Variants in HIVEP3 observed in about 807,000 individuals in gnomAD.
HIVEP3 encodes the protein transcription factor HIVEP3.
HIVEP3 carries 49 observed loss-of-function variants against 152.8 expected under a neutral mutation model. That is an observed-to-expected ratio of 0.32 (90% CI 0.26 to 0.41). HIVEP3 has a LOEUF of 0.41. Ranked by LOEUF, HIVEP3 falls within the 10% of genes least tolerant of loss-of-function variation. The pLI is 1.00. For synonymous variants in HIVEP3, 1,269 were observed against 1,289.0 expected, an observed-to-expected ratio of 0.98 and a Z score of 0.33; for missense variants, 2,790 against 3,103.3, an observed-to-expected ratio of 0.90 and a Z score of 2.40.
intron 2 of HIVEP3, among the ~76,000 whole-genome samples, chr1:41,683,160 G>A (rs1646065850): frequency 1.3e-5 from 2 of 152,316 alleles, no homozygotes; most frequent in South Asian, 4.1e-4. Context: ...AAACAGAAGG[G>A]AACCTGCACT....
chr1:41,564,418 T>G (rs1336904427), intron 5 of HIVEP3, among the ~76,000 whole-genome samples: 1 of 152,144 alleles, frequency 6.6e-6, no homozygotes, highest in Non-Finnish European at 1.5e-5. Context: ...CAAGACATTT[T>G]CTTAAAGCAG....
chr1:41,981,715 T>C (rs1012561114), intron 1 of HIVEP3, among the ~76,000 whole-genome samples: 2 of 152,208 alleles, frequency 1.3e-5, no homozygotes, highest in African/African-American at 4.8e-5. Context: ...TTGTTATATA[T>C]ATAAACAGCT....
chr1:41,765,829 T>A (rs1425885340), intron 1 of HIVEP3, among the ~76,000 whole-genome samples: 2 of 152,172 alleles, frequency 1.3e-5, no homozygotes, highest in African/African-American at 4.8e-5. Flanking sequence ...GGGGTCCATA[T>A]GTCACAGAAT....
intron 1 of HIVEP3, among the ~76,000 whole-genome samples, chr1:42,024,823 T>C (rs574135750): frequency 6.6e-6 from 1 of 152,360 alleles, no homozygotes; most frequent in African/African-American, 2.4e-5. Flanking sequence ...CATTGTTCTT[T>C]ATATGAAAAT....
At chr1:41,649,445 C>T (rs1645512534) in intron 2 of HIVEP3, among the ~76,000 whole-genome samples, 1 of 152,228 alleles carries the variant, frequency 6.6e-6, no homozygotes, top group Non-Finnish European at 1.5e-5. Flanking sequence ...CAAGAAATCC[C>T]TCTAAAAAGG....
chr1:41,726,194 C>G (rs1318171328), intron 1 of HIVEP3, among the ~76,000 whole-genome samples: 1 of 152,160 alleles, frequency 6.6e-6, no homozygotes, highest in Non-Finnish European at 1.5e-5. Flanking sequence ...CATGAGCCCT[C>G]GAGAAGCCAC....
chr1:42,016,120 G>GT (rs1570893577), intron 1 of HIVEP3, among the ~76,000 whole-genome samples: 1 of 152,336 alleles, frequency 6.6e-6, no homozygotes, highest in East Asian at 1.9e-4. Flanking sequence ...TCCCATTTAT[G>GT]CTTTTAAAAA....
chr1:41,527,310 T>TGC (rs1643010093), intron 5 of HIVEP3, among the ~76,000 whole-genome samples: 2 of 25,026 alleles, frequency 8.0e-5, no homozygotes, highest in Non-Finnish European at 1.7e-4. Context: ...CCCTCACACT[T>TGC]CACACCCCTG....
chr1:41,909,031 C>T (rs1037461247), intron 1 of HIVEP3, among the ~76,000 whole-genome samples: 1 of 152,048 alleles, frequency 6.6e-6, no homozygotes, highest in African/African-American at 2.4e-5. Context: ...AGAAGGAAAA[C>T]ACAGATTATT....
intron 1 of HIVEP3, among the ~76,000 whole-genome samples, chr1:41,806,743 C>T (rs919155937): frequency 8.5e-5 from 13 of 152,272 alleles, no homozygotes; most frequent in South Asian, 2.1e-4. Flanking sequence ...CCGGGGCCAG[C>T]GGGACCACTC....
chr1:41,796,606 A>G (rs1649997684), intron 1 of HIVEP3, among the ~76,000 whole-genome samples: 1 of 152,268 alleles, frequency 6.6e-6, no homozygotes, highest in Non-Finnish European at 1.5e-5. Context: ...GCCCCTCTCT[A>G]GTTCAAATCC....
At chr1:41,792,853 A>G (rs963067544) in intron 1 of HIVEP3, among the ~76,000 whole-genome samples, 1 of 152,246 alleles carries the variant, frequency 6.6e-6, no homozygotes, top group Non-Finnish European at 1.5e-5. Flanking sequence ...ATGCAGAGTA[A>G]CTTAAAGTAG....
intron 5 of HIVEP3, among the ~76,000 whole-genome samples, chr1:41,528,240 ACACT>A (rs753904328): frequency 7.5e-5 from 6 of 79,814 alleles, no homozygotes; most frequent in African/African-American, 1.5e-4. Flanking sequence ...ACACCCTCAC[ACACT>A]CACCCTCACA....
intron 1 of HIVEP3, among the ~76,000 whole-genome samples, chr1:41,866,361 C>A (rs535248845): frequency 6.6e-6 from 1 of 152,380 alleles, no homozygotes; most frequent in Admixed American, 6.5e-5. Context: ...ATTCTCTTCT[C>A]TCTAGCCAGA....
At chr1:41,598,153 C>T (rs1228323933) in intron 3 of HIVEP3, among the ~76,000 whole-genome samples, 1 of 152,126 alleles carries the variant, frequency 6.6e-6, no homozygotes, top group African/African-American at 2.4e-5. Context: ...TTGCGCAGGC[C>T]CAGCAGGCTT....
At chr1:41,741,369 C>T (rs1048534980) in intron 1 of HIVEP3, among the ~76,000 whole-genome samples, 7 of 152,180 alleles carry the variant, frequency 4.6e-5, no homozygotes, top group African/African-American at 1.7e-4. Context: ...CTAGCAGGGC[C>T]GGGGTCCCAA....
At chr1:41,814,150 C>G (rs555159200) in intron 1 of HIVEP3, among the ~76,000 whole-genome samples, 15 of 152,320 alleles carry the variant, frequency 9.8e-5, no homozygotes, top group African/African-American at 3.6e-4. Context: ...TGGGACCTTG[C>G]TTTTAGGCCA....
chr1:41,856,624 G>A (rs1643774444), intron 1 of HIVEP3, among the ~76,000 whole-genome samples: 1 of 152,166 alleles, frequency 6.6e-6, no homozygotes, highest in Non-Finnish European at 1.5e-5. Context: ...CTCCCTCCAA[G>A]CACACCTTAT....
intron 1 of HIVEP3, among the ~76,000 whole-genome samples, chr1:41,875,397 GCCTTC>G (rs1266039920): frequency 1.3e-5 from 2 of 152,256 alleles, no homozygotes; most frequent in Non-Finnish European, 2.9e-5. Context: ...CTGCAAAACA[GCCTTC>G]CAACTGGGTT....
Sources: allele counts gnomAD v4.1 joint callset (sites outside exome capture counted in the v4.1 genomes callset), GRCh38; gene constraint gnomAD v4.1.1; transcripts MANE v1.5; gene names NCBI Gene and HGNC (gene_info 2026-07-23, HGNC 2026-07-21).